MRPL13: variants seen among roughly 807,000 people sequenced by gnomAD.
The protein encoded by MRPL13 is large ribosomal subunit protein uL13m.
Under a neutral mutation model 29.0 loss-of-function variants are expected in MRPL13, and 33 were observed. The ratio of observed to expected loss-of-function variants is 1.14; its 90% CI spans 0.86 to 1.52. The LOEUF is 1.52. Among genes scored for constraint, MRPL13 ranks in the 40% most tolerant of loss-of-function variants. MRPL13 has a pLI of 0.00. For missense variants in MRPL13, 227 were observed against 216.7 expected (o/e 1.05, Z -0.30); for synonymous variants, 77 against 68.4 (o/e 1.13, Z -0.62).
chr8:120,443,142 T>C (rs373450841), intron 2 of MRPL13, 43 bp downstream of exon 2: 168 of 1,437,042 alleles, frequency 1.2e-4, no homozygotes, highest in Non-Finnish European at 1.5e-4. Context: ...TATTCTGGCA[T>C]GAAAACTACA....
intron 6 of MRPL13, among the ~76,000 whole-genome samples, chr8:120,411,046 T>C (rs1206117074): frequency 6.6e-6 from 1 of 151,154 alleles, no homozygotes; most frequent in African/African-American, 2.4e-5. Flanking sequence ...CCTCTCCCTC[T>C]CCTCCCTCTC....
intron 4 of MRPL13, among the ~76,000 whole-genome samples, chr8:120,422,689 T>TGGCCTGGGCGACAGAGCGAGACTCCGTC (rs1292376283): frequency 2.0e-5 from 3 of 151,020 alleles, no homozygotes; most frequent in Non-Finnish European, 4.4e-5. Context: ...TTAATATTGT[T>TGGCCTGGGCGACAGAGCGAGACTCCGTC]TATAAAAATA....
rs369296986 is a variant in MRPL13 at position 120,432,715 on chromosome 8, G to A, written c.152-592C>T. Among the ~76,000 whole-genome samples the A allele has an allele frequency of 1.3e-3, 192 of 151,996 alleles. 1 individual carries two copies. The highest frequency in any genetic ancestry group is 4.4e-3 in the African/African-American group (181 of 41,490). ...AACTGCTACTCTCAACTATGACTACGTAAATATATTTGACAGGACAGATGA... is the reference window on the plus strand; with the variant it reads ...AACTGCTACTCTCAACTATGACTACATAAATATATTTGACAGGACAGATGA... On this transcript the variant is annotated intron_variant, in intron 2 of 6. Coordinates refer to ENST00000306185, the MANE Select transcript of MRPL13 (RefSeq NM_014078.6).
In MRPL13 at chr8:120,443,248, T is replaced by C. The variant is rs766762299; in HGVS notation, c.88A>G (p.Lys30Glu). 1.5e-5 allele frequency: 24 copies of C among 1,610,112 alleles called. No individual in the cohort carries two copies. The highest frequency in any genetic ancestry group is 2.0e-5 in the Non-Finnish European group (24 of 1,178,066). ...LLDGKMQPPG[K>E]LAAMASIRLQ... ...CTTATAGATGCCATAGCAGCAAGTT[T>C]GCCAGGTGGCTGCATTTTCCCATCT... The change falls in exon 2 of 7, where the codon AAA (lysine) becomes GAA (glutamate). Residue 30 changes from lysine (K) to glutamate (E), a missense_variant. Lys to Glu is a moderately conservative substitution (Grantham distance 56, BLOSUM62 1). Coordinates refer to ENST00000306185, the MANE Select transcript of MRPL13 (RefSeq NM_014078.6).
intron 3 of MRPL13, among the ~76,000 whole-genome samples, chr8:120,427,313 T>C (rs1479253187): frequency 6.6e-6 from 1 of 152,204 alleles, no homozygotes; most frequent in Non-Finnish European, 1.5e-5. Context: ...CAAACATTTG[T>C]ATGCTCTTCT....
chr8:120,405,050 G>A (rs1158486781), intron 6 of MRPL13, among the ~76,000 whole-genome samples: 10 of 152,064 alleles, frequency 6.6e-5, no homozygotes, highest in South Asian at 2.1e-4. Context: ...TTAAATAATC[G>A]GGATATTTTC....
Position 120,395,760 on chromosome 8 carries a change from ATCTGC to A in MRPL13, c.*339_*343del, listed in dbSNP as rs2130444330. The A allele has an allele frequency of 5.4e-6, 1 of 183,804 alleles. No homozygotes were observed. The highest frequency in any genetic ancestry group is 1.5e-4 in the East Asian group (1 of 6,888). 11.4% of individuals were successfully genotyped at this position (183,804 alleles called of 1,614,324 possible). A position where few individuals can be genotyped will look rare whatever the true frequency, so the allele number is the denominator to read the frequency against. ...AATAGTGACCTGCAAACTTGAGAAA[ATCTGC>A]ATGGAGAGGCATTTTTGGAATGTGT... is the stretch of plus-strand genomic sequence containing the variant. On this transcript the variant is annotated 3_prime_UTR_variant, in exon 7 of 7. Transcript: ENST00000306185.
Position 120,414,119 on chromosome 8 carries a change from T to C in MRPL13, c.394-7A>G. ...GAATATCTTCTGGAATATACTACAT[T>C]AAAAAAAAATTTAGACTTAATTTTC... On this transcript the variant is annotated splice_region_variant and splice_polypyrimidine_tract_variant and intron_variant, in intron 5 of 6. Coordinates refer to ENST00000306185, the MANE Select transcript of MRPL13 (RefSeq NM_014078.6). 1 of 1,507,646 alleles carries C rather than the reference T, an allele frequency of 6.6e-7. No individual in the cohort carries two copies. Among genetic ancestry groups the C allele is most frequent in the South Asian group, 1.4e-5 (1 of 72,794 alleles). The allele number at this position is 1,507,646 out of a possible 1,614,324, so 93.4% of individuals were successfully genotyped here. A position where few individuals can be genotyped will look rare whatever the true frequency, so the allele number is the denominator to read the frequency against.
At chr8:120,421,080 A>G (rs1812868042) in intron 4 of MRPL13, among the ~76,000 whole-genome samples, 1 of 151,912 alleles carries the variant, frequency 6.6e-6, no homozygotes, top group Non-Finnish European at 1.5e-5. Context: ...GAAATTCAGA[A>G]AGTAAAAAAA....
In MRPL13 at chr8:120,414,129, T is replaced by A. The variant is rs755807081; in HGVS notation, c.394-17A>T. ...TGGAATATACTACATTAAAAAAAAA[T>A]TTAGACTTAATTTTCTTAAAATATC... On this transcript the variant is annotated splice_polypyrimidine_tract_variant and intron_variant, in intron 5 of 6. Coordinates refer to ENST00000306185, the MANE Select transcript of MRPL13 (RefSeq NM_014078.6). The A allele has an allele frequency of 3.4e-6, 5 of 1,474,570 alleles. No homozygotes were observed. Among genetic ancestry groups the A allele is most frequent in the South Asian group, 1.4e-5 (1 of 69,026 alleles). The allele number at this position is 1,474,570 out of a possible 1,614,324, so 91.3% of individuals were successfully genotyped here. A position where few individuals can be genotyped will look rare whatever the true frequency, so the allele number is the denominator to read the frequency against.
intron 1 of MRPL13, 129 bp from the exon 2 acceptor site, chr8:120,443,437 G>A (rs1813151580): frequency 2.1e-6 from 2 of 960,160 alleles, no homozygotes; most frequent in Non-Finnish European, 2.8e-6. Flanking sequence ...CAATTTCTTT[G>A]AAAAATAACT....
rs1377619312 is a variant in MRPL13 at position 120,415,942 on chromosome 8, C to T, written c.394-1830G>A. ...CAATTTCAAAAAGCTGCTAAGTGCT[C>T]ATTCAGCGTAGAGCATGTGGAACAC... On this transcript the variant is annotated intron_variant, in intron 5 of 6. Transcript: ENST00000306185. 2.0e-5 allele frequency: 3 copies of T among 152,332 alleles called. No individual in the cohort carries two copies. The East Asian group carries it at 5.8e-4, about 29-fold the overall frequency. The allele number at this position is 152,332 out of a possible 1,614,324, so 9.4% of individuals were successfully genotyped here.
At chr8:120,408,842 GCAC>G in intron 6 of MRPL13, among the ~76,000 whole-genome samples, 1 of 152,280 alleles carries the variant, frequency 6.6e-6, no homozygotes, top group Non-Finnish European at 1.5e-5. Context: ...CAGAGAATAT[GCAC>G]TAAGCTTAAA....
chr8:120,441,452 T>C (rs964285053), intron 2 of MRPL13, among the ~76,000 whole-genome samples: 6 of 152,126 alleles, frequency 3.9e-5, no homozygotes, highest in Admixed American at 6.6e-5. Context: ...TTTAGAAGGC[T>C]GAGGATAGCC....
chr8:120,427,598 T>C (rs1462955753), intron 3 of MRPL13, among the ~76,000 whole-genome samples: 1 of 151,914 alleles, frequency 6.6e-6, no homozygotes, highest in Non-Finnish European at 1.5e-5. Context: ...AAGAATAAAA[T>C]ACTTAGGAAT....
chr8:120,427,518 T>G (rs1456045495), intron 3 of MRPL13, among the ~76,000 whole-genome samples: 1 of 152,056 alleles, frequency 6.6e-6, no homozygotes, highest in Non-Finnish European at 1.5e-5. Context: ...TCACTAACAT[T>G]CCTAGACACC....
At chr8:120,439,022 T>C (rs1366350294) in intron 2 of MRPL13, among the ~76,000 whole-genome samples, 3 of 152,238 alleles carry the variant, frequency 2.0e-5, no homozygotes, top group Non-Finnish European at 4.4e-5. Context: ...ATAGATTCCA[T>C]ATTTACAAAT....
At chr8:120,433,919 A>G (rs949457680) in intron 2 of MRPL13, among the ~76,000 whole-genome samples, 1 of 152,116 alleles carries the variant, frequency 6.6e-6, no homozygotes, top group Admixed American at 6.6e-5. Context: ...AATAAATCAT[A>G]GCTCTAGTGC....
intron 5 of MRPL13, among the ~76,000 whole-genome samples, chr8:120,417,226 T>C (rs945556834): frequency 1.1e-4 from 16 of 152,226 alleles, no homozygotes; most frequent in Non-Finnish European, 2.1e-4. Context: ...TGTCAGTTTT[T>C]CCCACAGTGA....
Sources: gnomAD v4.1 joint callset for allele counts (sites outside exome capture counted in the v4.1 genomes callset) on GRCh38, gnomAD v4.1.1 for gene constraint, MANE v1.5 for transcripts, NCBI Gene and HGNC (gene_info 2026-07-23, HGNC 2026-07-21) for gene names.